Variants in RBM25 observed in about 807,000 individuals in gnomAD.
The protein encoded by RBM25 is RNA-binding protein 25.
Under a neutral mutation model 120.7 loss-of-function variants are expected in RBM25, and 19 were observed. That is an observed-to-expected ratio of 0.16 (90% CI 0.11 to 0.23). RBM25 has a LOEUF of 0.23. Ranked by LOEUF, RBM25 falls within the 10% of genes least tolerant of loss-of-function variation. RBM25 has a pLI of 1.00. For missense variants in RBM25, 605 were observed against 1,041.5 expected, an observed-to-expected ratio of 0.58 and a Z score of 5.77; for synonymous variants, 390 against 326.7, an observed-to-expected ratio of 1.19 and a Z score of -2.09.
chr14:73,105,836 G>C, intron 10 of RBM25, 23 bp from the exon 11 acceptor site: 4 of 1,598,350 alleles, frequency 2.5e-6, no homozygotes, highest in Non-Finnish European at 3.4e-6. Flanking sequence ...TGACAGATTT[G>C]TAAAATATTT....
chr14:73,076,531 T>A (rs1434265558), intron 3 of RBM25, among the ~76,000 whole-genome samples, 163 bp downstream of exon 3: 1 of 152,170 alleles, frequency 6.6e-6, no homozygotes, highest in Non-Finnish European at 1.5e-5. Context: ...AAGTATCATT[T>A]TCACTTAGGT....
At chr14:73,071,819 T>C in intron 2 of RBM25, 72 bp downstream of exon 2, 1 of 1,219,552 alleles carries the variant, frequency 8.2e-7, no homozygotes, top group East Asian at 2.4e-5. Flanking sequence ...TTCAGGAAAA[T>C]GTTAGATATG....
intron 1 of RBM25, among the ~76,000 whole-genome samples, chr14:73,061,316 C>CCCAAAGTGT (rs1425631475): frequency 9.9e-5 from 15 of 151,396 alleles, no homozygotes; most frequent in African/African-American, 3.4e-4. Flanking sequence ...GCCTTGGCCT[C>CCCAAAGTGT]CCAAAGTGTT....
At chr14:73,080,213 C>CTTTTTTTTTTTTTTTTTTTTTTT (rs766461418) in intron 4 of RBM25, among the ~76,000 whole-genome samples, 1 of 67,178 alleles carries the variant, frequency 1.5e-5, no homozygotes, top group African/African-American at 6.3e-5. Flanking sequence ...TCTTACACAT[C>CTTTTTTTTTTTTTTTTTTTTTTT]TTTTTTTTTT....
At chr14:73,088,521 C>T in intron 6 of RBM25, 1 of 400,142 alleles carries the variant, frequency 2.5e-6, no homozygotes, top group Admixed American at 3.0e-5. Flanking sequence ...ATTAGTTTCC[C>T]TCTCTTTTAG....
intron 5 of RBM25, among the ~76,000 whole-genome samples, chr14:73,087,428 C>T (rs989717770): frequency 6.7e-6 from 1 of 148,712 alleles, no homozygotes; most frequent in African/African-American, 2.5e-5. Flanking sequence ...CGGAGTCTCG[C>T]TCTTTCGCCC....
chr14:73,114,157 C>G, intron 17 of RBM25, 129 bp from the exon 18 acceptor site: 1 of 635,650 alleles, frequency 1.6e-6, no homozygotes, highest in Non-Finnish European at 2.6e-6. Context: ...AAAATTAAAA[C>G]ATTTATAGAA....
chr14:73,100,119 A>C (rs1342261901), intron 9 of RBM25: 3 of 472,328 alleles, frequency 6.4e-6, no homozygotes, highest in Non-Finnish European at 1.1e-5. Flanking sequence ...TGATCTTAGG[A>C]ATACCTTTTC....
chr14:73,111,693 C>G lies in RBM25; in HGVS notation c.2183C>G (p.Thr728Ser), dbSNP rs141494362. The G allele has an allele frequency of 1.7e-5, 27 of 1,614,008 alleles. No individual in the cohort carries two copies. Among genetic ancestry groups the G allele is most frequent in the Non-Finnish European group, 2.3e-5 (27 of 1,180,034 alleles). ...GATGATAAAAATGCAACCAAAGGCA[C>G]TGTAAACACTGAAGAAAAGCGTAAA... is the stretch of plus-strand genomic sequence containing the variant. ...GEDDKNATKGTVNTEEKRKHI... is the reference protein window; with the variant it reads ...GEDDKNATKGSVNTEEKRKHI... Residue 728 changes from threonine (T) to serine (S), a missense_variant, in exon 16 of 19, where the codon ACT becomes AGT. Thr to Ser is a moderately conservative substitution (Grantham distance 58). Around this residue, in one of 4 missense-constraint regions of RBM25, gnomAD observed 465 missense variants for 741.6 expected, o/e 0.63. Transcript: ENST00000261973.
At chr14:73,067,621 T>G (rs1256031734) in intron 1 of RBM25, among the ~76,000 whole-genome samples, 3 of 149,954 alleles carry the variant, frequency 2.0e-5, no homozygotes, top group African/African-American at 4.9e-5. Context: ...TTTTTTTTTT[T>G]GAAACAGAGT....
chr14:73,088,202 G>T (rs1895733744), intron 6 of RBM25, 41 bp downstream of exon 6: 2 of 1,607,496 alleles, frequency 1.2e-6, no homozygotes, highest in Non-Finnish European at 1.7e-6. Flanking sequence ...GCCAGACTGT[G>T]CTATTTCAGT....
intron 1 of RBM25, among the ~76,000 whole-genome samples, chr14:73,066,362 G>T (rs965450181): frequency 6.6e-6 from 1 of 152,054 alleles, no homozygotes; most frequent in Non-Finnish European, 1.5e-5. Context: ...AGGGCTGGGC[G>T]CAGTGGCTTA....
chr14:73,097,196 C>CTTTTTTTTTTTTTTTTTTTTTTTTTTTTT lies in RBM25; in HGVS notation c.729+118_729+119insTTTTTTTTTTTTTTTTTTTTTTTTTTTTT, dbSNP rs11390922. ...ACATGTCAGTTTTCTTTTTTCTTTT[C>CTTTTTTTTTTTTTTTTTTTTTTTTTTTTT]TTTTTTTTTTTTTTTTTTTTTTGAG... is the stretch of plus-strand genomic sequence containing the variant. On this transcript the variant is annotated intron_variant, in intron 7 of 18. Coordinates refer to ENST00000261973, the MANE Select transcript of RBM25 (RefSeq NM_021239.3). 1.6e-4 allele frequency: 23 copies of CTTTTTTTTTTTTTTTTTTTTTTTTTTTTT among 140,076 alleles called. 3 individuals are homozygous for CTTTTTTTTTTTTTTTTTTTTTTTTTTTTT. The highest frequency in any genetic ancestry group is 1.0e-3 in the African/African-American group (16 of 15,630). The allele number at this position is 140,076 out of a possible 1,614,324, so 8.7% of individuals were successfully genotyped here.
chr14:73,088,319 A>G (rs977536226), intron 6 of RBM25, 158 bp downstream of exon 6: 9 of 958,632 alleles, frequency 9.4e-6, no homozygotes, highest in Non-Finnish European at 1.3e-5. Flanking sequence ...TAGTTATTTT[A>G]AGTCTTATCT....
chr14:73,082,871 C>T (rs1258046180), intron 4 of RBM25, among the ~76,000 whole-genome samples: 1 of 150,300 alleles, frequency 6.7e-6, no homozygotes, highest in Non-Finnish European at 1.5e-5. Context: ...ACCAGCCTGG[C>T]TAATATGGTG....
intron 1 of RBM25, among the ~76,000 whole-genome samples, chr14:73,069,140 G>A (rs1011198610): frequency 2.0e-5 from 3 of 152,168 alleles, no homozygotes; most frequent in Non-Finnish European, 4.4e-5. Context: ...TTGACCTCAC[G>A]TGAGCCCCCT....
At chr14:73,071,150 G>A (rs1468514469) in intron 1 of RBM25, among the ~76,000 whole-genome samples, 2 of 150,908 alleles carry the variant, frequency 1.3e-5, no homozygotes, top group African/African-American at 4.9e-5. Context: ...GCTCAGGCAG[G>A]AGAATCGCTT....
At chr14:73,089,787 C>T (rs948634198) in intron 6 of RBM25, among the ~76,000 whole-genome samples, 12 of 151,750 alleles carry the variant, frequency 7.9e-5, no homozygotes, top group Non-Finnish European at 1.8e-4. Flanking sequence ...CCTCCTCAGC[C>T]TCCCAAGTAG....
At chr14:73,092,283 G>A (rs994961952) in intron 6 of RBM25, among the ~76,000 whole-genome samples, 2 of 151,340 alleles carry the variant, frequency 1.3e-5, no homozygotes, top group African/African-American at 4.9e-5. Flanking sequence ...AGAAGATGGT[G>A]GGGGTGAGAT....
Sources: gnomAD v4.1 joint callset for allele counts (sites outside exome capture counted in the v4.1 genomes callset) on GRCh38, gnomAD v4.1.1 for gene constraint, gnomAD v4.1.1 regional missense constraint, MANE v1.5 for transcripts, NCBI Gene and HGNC (gene_info 2026-07-23, HGNC 2026-07-21) for gene names.